The following ABCC3 variants were observed in gnomAD, a reference collection of about 807,000 sequenced individuals.
The protein encoded by ABCC3 is ATP-binding cassette sub-family C member 3.
In ABCC3, 121 loss-of-function variants were observed where a neutral mutation model predicts 165.3. The observed-to-expected ratio is 0.73, with a 90% CI of 0.63 to 0.85. The LOEUF (loss-of-function observed/expected upper bound fraction) is 0.85. ABCC3 is among the 40% of genes least tolerant of loss of function. ABCC3 has a pLI of 0.00. For synonymous variants in ABCC3, 733 were observed against 810.1 expected, an observed-to-expected ratio of 0.90 and a Z score of 1.62; for missense variants, 1,869 against 1,964.1, an observed-to-expected ratio of 0.95 and a Z score of 0.92.
chr17:50,646,190 T>C (rs1339567423), intron 1 of ABCC3, among the ~76,000 whole-genome samples: 3 of 152,066 alleles, frequency 2.0e-5, no homozygotes, highest in Non-Finnish European at 4.4e-5. Context: ...GTAGGCTTCA[T>C]TGAGAAAGAA....
chr17:50,657,269 G>T, intron 4 of ABCC3, 86 bp downstream of exon 4: 1 of 1,523,544 alleles, frequency 6.6e-7, no homozygotes, highest in Non-Finnish European at 8.9e-7. Flanking sequence ...TGGGTCCCAG[G>T]TCCCTCCCTC....
At chr17:50,685,619 C>T (rs917472304) in intron 29 of ABCC3, among the ~76,000 whole-genome samples, 1 of 152,152 alleles carries the variant, frequency 6.6e-6, no homozygotes. Flanking sequence ...TGCGTTTCTT[C>T]CTACAAGTTT....
At chr17:50,680,625 C>G (rs1251710003) in intron 26 of ABCC3, among the ~76,000 whole-genome samples, 1 of 152,168 alleles carries the variant, frequency 6.6e-6, no homozygotes, top group Non-Finnish European at 1.5e-5. Flanking sequence ...GCCTTCACCT[C>G]CCTCCCCGGC....
intron 4 of ABCC3, 61 bp downstream of exon 4, chr17:50,657,244 G>A (rs1055458774): frequency 2.2e-5 from 35 of 1,582,338 alleles, no homozygotes; most frequent in Middle Eastern, 3.4e-4. Flanking sequence ...TGACCTCAGG[G>A]TTCAAAGTCA....
chr17:50,665,031 T>G, intron 10 of ABCC3, 122 bp from the exon 11 acceptor site: 1 of 796,514 alleles, frequency 1.3e-6, no homozygotes, highest in South Asian at 1.6e-5. Flanking sequence ...CCAACCACCA[T>G]CTTTTGCTTC....
chr17:50,673,785 T>A, intron 19 of ABCC3, 127 bp downstream of exon 19: 1 of 908,484 alleles, frequency 1.1e-6, no homozygotes, highest in Non-Finnish European at 1.7e-6. Flanking sequence ...GGGCCATCTG[T>A]GTGACAGTCA....
At chr17:50,642,846 C>T (rs1051461593) in intron 1 of ABCC3, among the ~76,000 whole-genome samples, 2 of 152,254 alleles carry the variant, frequency 1.3e-5, no homozygotes, top group African/African-American at 4.8e-5. Flanking sequence ...TGCACACTCC[C>T]TTGTGAGTCA....
At chr17:50,657,004 ATG>A in intron 3 of ABCC3, 40 bp from the exon 4 acceptor site, 1 of 1,599,988 alleles carries the variant, frequency 6.3e-7, no homozygotes, top group Non-Finnish European at 8.5e-7. Flanking sequence ...GCAGGTCCAG[ATG>A]TGTGTGTTCT....
chr17:50,678,321 C>G, intron 25 of ABCC3, 102 bp downstream of exon 25: 1 of 1,293,622 alleles, frequency 7.7e-7, no homozygotes, highest in Non-Finnish European at 1.0e-6. Context: ...AGTATGGGCA[C>G]CAGCCACAGG....
intron 30 of ABCC3, among the ~76,000 whole-genome samples, chr17:50,690,214 T>C (rs1232517641): frequency 1.3e-5 from 2 of 151,498 alleles, no homozygotes; most frequent in Non-Finnish European, 2.9e-5. Flanking sequence ...AGAACCAAGA[T>C]GGGGGTGGAG....
chr17:50,661,023 C>T lies in ABCC3; in HGVS notation c.907C>T (p.Leu303=). 2 of 1,614,196 alleles carry T rather than the reference C, an allele frequency of 1.2e-6. No homozygotes were observed. The highest frequency in any genetic ancestry group is 1.7e-6 in the Non-Finnish European group (2 of 1,180,020). ...RPRKPSFLKA[L]LATFGSSFLI... The stretch of plus-strand genomic sequence containing the variant: ...CCGGAAGCCCTCCTTCCTGAAGGCC[C>T]TGCTGGCCACCTTCGGCTCCAGCTT... Residue 303 remains leucine (L), a synonymous_variant, in exon 8 of 31, where the codon CTG becomes TTG. Coordinates refer to ENST00000285238, the MANE Select transcript of ABCC3 (RefSeq NM_003786.4).
At chr17:50,645,841 G>A (rs563314901) in intron 1 of ABCC3, among the ~76,000 whole-genome samples, 3 of 152,234 alleles carry the variant, frequency 2.0e-5, no homozygotes, top group Admixed American at 6.5e-5. Flanking sequence ...CTCAAGTGAT[G>A]CTCCTGCCTT....
intron 30 of ABCC3, 70 bp downstream of exon 30, chr17:50,687,800 A>G (rs1968050744): frequency 1.4e-6 from 2 of 1,468,862 alleles, no homozygotes; most frequent in Non-Finnish European, 1.9e-6. Context: ...TGGGCAGGGC[A>G]GATTAGGGTT....
At position 50,675,696 on chromosome 17, in the gene ABCC3, G is replaced by A. The variant is rs754666400; in HGVS notation, c.2780G>A (p.Gly927Asp). 4.5e-6 allele frequency: 7 copies of A among 1,570,708 alleles called. No homozygotes were observed. The South Asian group carries it at 4.7e-5, about 10-fold the overall frequency. The stretch of plus-strand genomic sequence containing the variant: ...CGGCCTGTACCCCGGAGGCACCTGG[G>A]TCCATCAGAGAAGGTGCAGGTGACA... Reference protein sequence around the residue: ...QGRPVPRRHLGPSEKVQVTEA... With the variant: ...QGRPVPRRHLDPSEKVQVTEA... Residue 927 changes from glycine to aspartate, a missense_variant, in exon 21 of 31, where the codon GGT becomes GAT. By Grantham distance (94) the Gly-to-Asp change is moderately conservative (BLOSUM62 -1). Coordinates refer to ENST00000285238, the MANE Select transcript of ABCC3 (RefSeq NM_003786.4).
At chr17:50,668,246 C>A (rs1188020791) in intron 13 of ABCC3, among the ~76,000 whole-genome samples, 184 bp from the exon 14 acceptor site, 1 of 152,156 alleles carries the variant, frequency 6.6e-6, no homozygotes, top group East Asian at 1.9e-4. Flanking sequence ...CCTCCTCTTA[C>A]CAACCTGGAC....
intron 1 of ABCC3, among the ~76,000 whole-genome samples, chr17:50,636,607 G>A (rs2146581790): frequency 6.6e-6 from 1 of 152,322 alleles, no homozygotes; most frequent in South Asian, 2.1e-4. Context: ...TATGACCGTG[G>A]CAGGTTTGTG....
In ABCC3 at chr17:50,665,709, G is replaced by A. The variant is rs141932190; in HGVS notation, c.1431+464G>A. Among the ~76,000 whole-genome samples the A allele has an allele frequency of 4.5e-3, 682 of 151,204 alleles. 5 individuals carry two copies. Among genetic ancestry groups the A allele is most frequent in the African/African-American group, 0.016 (651 of 41,266 alleles). On this transcript the variant is annotated intron_variant, in intron 11 of 30. Transcript: ENST00000285238. Reference sequence around the variant, plus strand: ...CAACCTCTGCCTCCCGGGTTCAAGCGATCTTCCTGCCTCAGCCTCCCTAGT... The same window carrying A: ...CAACCTCTGCCTCCCGGGTTCAAGCAATCTTCCTGCCTCAGCCTCCCTAGT...
At chr17:50,664,209 T>C in intron 10 of ABCC3, 98 bp downstream of exon 10, 1 of 1,484,692 alleles carries the variant, frequency 6.7e-7, no homozygotes, top group Non-Finnish European at 9.2e-7. Flanking sequence ...CACATGCTTG[T>C]AGTCCCAGCT....
At chr17:50,680,904 A>G (rs1276951254) in intron 26 of ABCC3, among the ~76,000 whole-genome samples, 2 of 152,014 alleles carry the variant, frequency 1.3e-5, no homozygotes, top group Non-Finnish European at 2.9e-5. Context: ...GTGAAACCCC[A>G]TCTCTACTAA....
Sources: allele counts gnomAD v4.1 joint callset (sites outside exome capture counted in the v4.1 genomes callset), GRCh38; gene constraint gnomAD v4.1.1; transcripts MANE v1.5; gene names NCBI Gene and HGNC (gene_info 2026-07-23, HGNC 2026-07-21).